The following DLGAP1 variants were observed in gnomAD, a reference collection of about 807,000 sequenced individuals.
DLGAP1 encodes disks large-associated protein 1.
Under a neutral mutation model 90.8 loss-of-function variants are expected in DLGAP1, and 11 were observed. That is an observed-to-expected ratio of 0.12 (90% CI 0.08 to 0.20). The LOEUF (loss-of-function observed/expected upper bound fraction) is 0.20, where lower values mean the gene tolerates loss of function less well. Among genes scored for constraint, DLGAP1 ranks in the 10% least tolerant of loss-of-function variants. The pLI is 1.00. For synonymous variants in DLGAP1, 558 were observed against 540.7 expected, an observed-to-expected ratio of 1.03 and a Z score of -0.44; for missense variants, 1,050 against 1,333.8, an observed-to-expected ratio of 0.79 and a Z score of 3.31.
chr18:3,542,124 T>C (rs186629460), intron 9 of DLGAP1, among the ~76,000 whole-genome samples: 322 of 152,350 alleles, frequency 2.1e-3, no homozygotes, highest in Non-Finnish European at 3.5e-3. Flanking sequence ...CTAAATGTTA[T>C]GTGTAATGTA....
chr18:4,067,685 T>C (rs1370980104), intron 2 of DLGAP1, among the ~76,000 whole-genome samples: 2 of 152,052 alleles, frequency 1.3e-5, no homozygotes, highest in East Asian at 3.9e-4. Flanking sequence ...CCCCTTATCT[T>C]AACCCAGACA....
At position 3,775,842 on chromosome 18, in the gene DLGAP1, C is replaced by A. The variant is rs1345780082; in HGVS notation, c.1173-33330G>T. The stretch of plus-strand genomic sequence containing the variant: ...ATTCCAGAGGCTTGCTACCTTCTTT[C>A]CCCTTCCCAGAGATAAACAACCCTG... On this transcript the variant is annotated intron_variant, in intron 5 of 12. Transcript: ENST00000315677. This position sits in a 1 kb window ranked among gnomAD's most constrained non-coding sequence, Gnocchi z 4.9. 6.6e-6 allele frequency among the ~76,000 whole-genome samples: 1 copy of A among 152,154 alleles called. No homozygotes were observed. Among genetic ancestry groups the A allele is most frequent in the Non-Finnish European group, 1.5e-5 (1 of 68,034 alleles).
intron 9 of DLGAP1, 120 bp downstream of exon 9, chr18:3,567,370 A>T: frequency 1.2e-6 from 1 of 811,324 alleles, no homozygotes; most frequent in Non-Finnish European, 2.0e-6. Context: ...TTCACCCTTT[A>T]AATACTCCCA....
chr18:3,881,042 C>T (rs906018184), intron 3 of DLGAP1, among the ~76,000 whole-genome samples: 8 of 139,522 alleles, frequency 5.7e-5, no homozygotes, highest in Non-Finnish European at 1.1e-4. Context: ...GAAACAATAA[C>T]TCTCCTTCCC....
chr18:3,883,719 G>A (rs1282614026), intron 3 of DLGAP1, among the ~76,000 whole-genome samples: 1 of 152,204 alleles, frequency 6.6e-6, no homozygotes, highest in African/African-American at 2.4e-5. Context: ...GCCAGGCTGG[G>A]CAAGGCCAAG....
At chr18:4,206,852 T>C (rs954090729) in intron 1 of DLGAP1, among the ~76,000 whole-genome samples, 4 of 152,162 alleles carry the variant, frequency 2.6e-5, no homozygotes, top group African/African-American at 9.7e-5. Flanking sequence ...ACAAAAGGCA[T>C]GCAATACAAC....
chr18:4,119,005 C>T (rs2076108712), intron 2 of DLGAP1, among the ~76,000 whole-genome samples: 1 of 152,226 alleles, frequency 6.6e-6, no homozygotes, highest in Non-Finnish European at 1.5e-5. Context: ...ACGACTCCTA[C>T]CTTTGGGTAT....
chr18:3,500,164 T>C (rs888868182), intron 12 of DLGAP1, among the ~76,000 whole-genome samples: 1 of 152,090 alleles, frequency 6.6e-6, no homozygotes, highest in Admixed American at 6.5e-5. Context: ...CATGAAAAGT[T>C]GACACAGGAT....
At chr18:4,327,285 C>T (rs990025719) in intron 1 of DLGAP1, among the ~76,000 whole-genome samples, 25 of 151,920 alleles carry the variant, frequency 1.6e-4, no homozygotes, top group African/African-American at 5.8e-4. Flanking sequence ...TTAATCATTA[C>T]ACAAGGTACA....
chr18:4,387,968 C>T (rs2082269617), intron 1 of DLGAP1, among the ~76,000 whole-genome samples: 2 of 149,282 alleles, frequency 1.3e-5, no homozygotes, highest in Admixed American at 1.3e-4. Flanking sequence ...CACACACACA[C>T]ACACACTCAA....
At chr18:3,626,734 T>C (rs556651755) in intron 7 of DLGAP1, among the ~76,000 whole-genome samples, 3 of 151,984 alleles carry the variant, frequency 2.0e-5, no homozygotes, top group African/African-American at 7.2e-5. Flanking sequence ...GGAAAAATTT[T>C]GTCTCTACTA....
intron 2 of DLGAP1, among the ~76,000 whole-genome samples, chr18:4,081,046 G>A (rs1162410048): frequency 3.3e-5 from 5 of 151,646 alleles, no homozygotes; most frequent in African/African-American, 1.2e-4. Flanking sequence ...GCACCACCAC[G>A]CCCAGATAAT....
At chr18:4,089,426 T>G (rs764313820) in intron 2 of DLGAP1, among the ~76,000 whole-genome samples, 6 of 152,186 alleles carry the variant, frequency 3.9e-5, no homozygotes, top group Non-Finnish European at 5.9e-5. Context: ...ACCATTGACA[T>G]TCTTCGTAGA....
At chr18:4,361,584 GC>G (rs1245202456) in intron 1 of DLGAP1, among the ~76,000 whole-genome samples, 1 of 152,146 alleles carries the variant, frequency 6.6e-6, no homozygotes, top group Non-Finnish European at 1.5e-5. Flanking sequence ...CTCACCTAAT[GC>G]TACATATAAA....
At chr18:4,235,240 C>CAA (rs2078383766) in intron 1 of DLGAP1, among the ~76,000 whole-genome samples, 1 of 152,146 alleles carries the variant, frequency 6.6e-6, no homozygotes, top group African/African-American at 2.4e-5. Context: ...AGTGGACACC[C>CAA]ATTAACCACT....
intron 1 of DLGAP1, chr18:4,294,011 A>G (rs1176039993): frequency 1.3e-5 from 2 of 152,178 alleles, no homozygotes; most frequent in Non-Finnish European, 2.9e-5. Flanking sequence ...AATTCCAGTG[A>G]GTTTAATTGA....
chr18:4,005,662 T>C (rs147800385), intron 2 of DLGAP1, among the ~76,000 whole-genome samples: 2 of 152,236 alleles, frequency 1.3e-5, no homozygotes, highest in African/African-American at 4.8e-5. Context: ...AGTGCACCTG[T>C]GTCTTTAGTT....
Position 4,342,351 on chromosome 18 carries a change from T to C in DLGAP1, c.-267+112655A>G, listed in dbSNP as rs950129902. On this transcript the variant is annotated intron_variant, in intron 1 of 12. Transcript: ENST00000315677. This position sits in a 1 kb window ranked among gnomAD's most constrained non-coding sequence, Gnocchi z 5.8. ...AAAATATTATACTTATGAATATAAATAGAATATGTTAAATGGATAAACACT... is the reference window on the plus strand; with the variant it reads ...AAAATATTATACTTATGAATATAAACAGAATATGTTAAATGGATAAACACT... Among the ~76,000 whole-genome samples, 9 of 152,180 alleles carry C rather than the reference T, an allele frequency of 5.9e-5. No individual in the cohort carries two copies. The highest frequency in any genetic ancestry group is 1.9e-4 in the East Asian group (1 of 5,194).
intron 1 of DLGAP1, among the ~76,000 whole-genome samples, chr18:4,280,572 T>C (rs2079525166): frequency 6.6e-6 from 1 of 152,204 alleles, no homozygotes; most frequent in Admixed American, 6.5e-5. Context: ...TTCCACACTG[T>C]CCCTCTTTCT....
Sources: allele counts gnomAD v4.1 joint callset (sites outside exome capture counted in the v4.1 genomes callset), GRCh38; gene constraint gnomAD v4.1.1; non-coding constraint Gnocchi (gnomAD v3.1); transcripts MANE v1.5; gene names NCBI Gene and HGNC (gene_info 2026-07-23, HGNC 2026-07-21).